Variants in DIP2C observed in about 807,000 individuals in gnomAD.
The protein encoded by DIP2C is DIP2 acetate--CoA ligase C (putative), also known as disco-interacting protein 2 homolog C.
DIP2C carries 33 observed loss-of-function variants against 192.4 expected under a neutral mutation model. The observed-to-expected ratio is 0.17, with a 90% CI of 0.13 to 0.23. DIP2C has a LOEUF of 0.23. DIP2C is among the 10% of genes least tolerant of loss of function. DIP2C has a pLI of 1.00. For synonymous variants in DIP2C, 979 were observed against 864.1 expected, an observed-to-expected ratio of 1.13 and a Z score of -2.33; for missense variants, 1,537 against 2,110.1, an observed-to-expected ratio of 0.73 and a Z score of 5.32.
At position 651,048 on chromosome 10, in the gene DIP2C, C is replaced by T. The variant is rs1855858717; in HGVS notation, c.85+38446G>A. ...GTTTCTGCAGAAGCCCCTTTCCATC[C>T]TAGCCCCTGCCACCCCTCCTGCTCT... On this transcript the variant is annotated intron_variant, in intron 1 of 36. Coordinates refer to ENST00000280886, the MANE Select transcript of DIP2C (RefSeq NM_014974.3). This position sits in a 1 kb window ranked among gnomAD's most constrained non-coding sequence, Gnocchi z 4.1. 1 of 717,290 alleles carries T rather than the reference C, an allele frequency of 1.4e-6. No homozygotes were observed. The highest frequency in any genetic ancestry group is 2.0e-5 in the Admixed American group (1 of 49,996). The allele number at this position is 717,290 out of a possible 1,614,324, so 44.4% of individuals were successfully genotyped here.
At chr10:398,416 C>T (rs530795013) in intron 10 of DIP2C, among the ~76,000 whole-genome samples, 3 of 152,330 alleles carry the variant, frequency 2.0e-5, no homozygotes, top group East Asian at 1.9e-4. Flanking sequence ...GCCCCCACTG[C>T]GGCTTCAAGC....
intron 2 of DIP2C, among the ~76,000 whole-genome samples, chr10:477,658 G>A (rs1209045271): frequency 7.1e-6 from 1 of 141,678 alleles, no homozygotes; most frequent in African/African-American, 2.6e-5. Context: ...AAAAATAGAT[G>A]AACAGGAAGT....
chr10:372,210 G>C (rs944072206), intron 17 of DIP2C, among the ~76,000 whole-genome samples: 3 of 151,914 alleles, frequency 2.0e-5, no homozygotes, highest in Non-Finnish European at 4.4e-5. Flanking sequence ...TGAATAGCTG[G>C]GACTACAGGC....
intron 3 of DIP2C, among the ~76,000 whole-genome samples, chr10:447,614 CAT>C (rs1351750637): frequency 3.4e-5 from 5 of 146,112 alleles, no homozygotes; most frequent in African/African-American, 1.3e-4. Context: ...AGGACCCACT[CAT>C]CCCTGTCTAT....
At chr10:484,856 CGCACACCCCGATGTGGGCAGA>C in intron 2 of DIP2C, 1 of 1,611,606 alleles carries the variant, frequency 6.2e-7, no homozygotes, top group South Asian at 1.1e-5. Flanking sequence ...TCTCGGACGT[CGCACACCCCGATGTGGGCAGA>C]GCGGAATGTT....
intron 18 of DIP2C, 54 bp from the exon 19 acceptor site, chr10:366,465 T>C: frequency 8.1e-6 from 13 of 1,610,136 alleles, no homozygotes; most frequent in Non-Finnish European, 1.1e-5. Context: ...GTGGGGAGAA[T>C]AAAGGAAACA....
chr10:511,643 CCA>C (rs571306779), intron 1 of DIP2C, among the ~76,000 whole-genome samples: 62 of 672 alleles, frequency 0.092, no homozygotes, highest in South Asian at 0.5. Context: ...CAGCCTCCCC[CCA>C]CAAGTCAGTC....
Position 390,274 on chromosome 10 carries a change from G to A in DIP2C, c.1484C>T (p.Ala495Val), listed in dbSNP as rs370308829. 1.2e-5 allele frequency: 19 copies of A among 1,613,866 alleles called. No homozygotes were observed. The highest frequency in any genetic ancestry group is 5.0e-5 in the Admixed American group (3 of 59,994). ...PHIKDANNDT[A>V]YIEYKTCKDG... ...CCAAGGCTGACTCACCTCAATATAC[G>A]CAGTGTCGTTATTGGCATCTTTAAT... Residue 495 changes from alanine (A) to valine (V), a missense_variant, in exon 12 of 37, where the codon GCG becomes GTG. Around this residue, in one of 4 missense-constraint regions of DIP2C, gnomAD observed 677 missense variants for 989.9 expected, o/e 0.68. Coordinates refer to ENST00000280886, the MANE Select transcript of DIP2C (RefSeq NM_014974.3).
chr10:452,841 G>C (rs570156342), intron 3 of DIP2C, among the ~76,000 whole-genome samples: 5 of 152,192 alleles, frequency 3.3e-5, no homozygotes, highest in Non-Finnish European at 5.9e-5. Flanking sequence ...CGAGAGAAGA[G>C]GGATAGACTT....
chr10:652,777 C>T lies in DIP2C; in HGVS notation c.85+36717G>A, dbSNP rs543032905. The T allele has an allele frequency of 7.2e-5, 11 of 152,134 alleles. No homozygotes were observed. The highest frequency in any genetic ancestry group is 1.9e-4 in the East Asian group (1 of 5,178). 9.4% of individuals were successfully genotyped at this position (152,134 alleles called of 1,614,324 possible). ...TATCCTCCTCAAGCACAGAACCGCA[C>T]GCAGAGTGATTTTTTTTTTTTTAAA... is the stretch of plus-strand genomic sequence containing the variant. On this transcript the variant is annotated intron_variant, in intron 1 of 36. Coordinates refer to ENST00000280886, the MANE Select transcript of DIP2C (RefSeq NM_014974.3). The surrounding 1 kb of genome is among the most constrained non-coding windows in gnomAD (Gnocchi z 4.5).
intron 1 of DIP2C, among the ~76,000 whole-genome samples, chr10:579,513 G>A (rs1850439565): frequency 6.6e-6 from 1 of 151,980 alleles, no homozygotes; most frequent in Admixed American, 6.5e-5. Context: ...GTGTGTACAT[G>A]CAGAGAGCAT....
chr10:383,003 C>G lies in DIP2C; in HGVS notation c.1877-242G>C, dbSNP rs145957260. On this transcript the variant is annotated intron_variant, in intron 16 of 36. Coordinates refer to ENST00000280886, the MANE Select transcript of DIP2C (RefSeq NM_014974.3). ...ACACCTTTTCTGACAGATGAACTTA[C>G]TTTAGTAACTTTTCTGAGACTTGTT... 4.5e-3 allele frequency among the ~76,000 whole-genome samples: 691 copies of G among 152,330 alleles called. 7 individuals carry two copies. The highest frequency in any genetic ancestry group is 0.016 in the African/African-American group (647 of 41,560).
intron 3 of DIP2C, among the ~76,000 whole-genome samples, chr10:467,061 C>T (rs916889295): frequency 1.3e-5 from 2 of 151,580 alleles, no homozygotes; most frequent in African/African-American, 4.8e-5. Flanking sequence ...ATAAATCATG[C>T]TGCTATAAAG....
intron 1 of DIP2C, among the ~76,000 whole-genome samples, chr10:655,788 CTTCTA>C (rs770201712): frequency 5.9e-5 from 9 of 152,184 alleles, no homozygotes; most frequent in Non-Finnish European, 1.3e-4. Context: ...TACACTGTTT[CTTCTA>C]TTCTATGCTA....
chr10:590,112 C>T (rs1467113146), intron 1 of DIP2C, among the ~76,000 whole-genome samples: 11 of 152,202 alleles, frequency 7.2e-5, no homozygotes, highest in Non-Finnish European at 1.5e-4. Context: ...CCGGGAGTGA[C>T]GTGATAAACC....
In DIP2C at chr10:619,349, C is replaced by T. The variant is rs1041205896; in HGVS notation, c.85+70145G>A. ...GTCCCACCAGCTAACGTCGAGATGT[C>T]AGCAGGGCTGGCTCCGGGGAAGCGA... On this transcript the variant is annotated intron_variant, in intron 1 of 36. Transcript: ENST00000280886. Among the ~76,000 whole-genome samples the T allele has an allele frequency of 5.3e-5, 8 of 152,238 alleles. No individual in the cohort carries two copies. In the East Asian group the frequency reaches 1.3e-3, roughly 26 times the overall value.
intron 1 of DIP2C, among the ~76,000 whole-genome samples, chr10:515,943 C>A (rs572938853): frequency 6.6e-6 from 1 of 151,998 alleles, no homozygotes; most frequent in Non-Finnish European, 1.5e-5. Context: ...AGGCCACACA[C>A]GGAGAGTTTA....
At chr10:306,174 G>A (rs987513116) in intron 32 of DIP2C, among the ~76,000 whole-genome samples, 1 of 151,922 alleles carries the variant, frequency 6.6e-6, no homozygotes, top group Non-Finnish European at 1.5e-5. Flanking sequence ...TCCTGCACAT[G>A]TGGGACTGTA....
intron 1 of DIP2C, among the ~76,000 whole-genome samples, chr10:542,165 C>G (rs376394429): frequency 9.3e-4 from 141 of 152,336 alleles, no homozygotes; most frequent in South Asian, 8.5e-3. Context: ...GAACCTCCCC[C>G]ACCCTGTGAC....
Sources: gnomAD v4.1 joint callset for allele counts (sites outside exome capture counted in the v4.1 genomes callset) on GRCh38, gnomAD v4.1.1 for gene constraint, gnomAD v4.1.1 regional missense constraint, Gnocchi (gnomAD v3.1) non-coding constraint, MANE v1.5 for transcripts, NCBI Gene and HGNC (gene_info 2026-07-23, HGNC 2026-07-21) for gene names.